Variants in EIF4G3 observed in about 807,000 individuals in gnomAD.
EIF4G3 encodes the protein eukaryotic translation initiation factor 4 gamma 3, also known as eIF-4-gamma 3.
A neutral mutation model predicts 186.4 loss-of-function variants in EIF4G3; 34 were observed. The observed-to-expected ratio is 0.18, with a 90% CI of 0.14 to 0.24. The LOEUF (loss-of-function observed/expected upper bound fraction) is 0.24. EIF4G3 is among the 10% of genes least tolerant of loss of function. The pLI is 1.00. For synonymous variants in EIF4G3, 673 were observed against 679.5 expected, an observed-to-expected ratio of 0.99 and a Z score of 0.15; for missense variants, 1,536 against 1,948.5, an observed-to-expected ratio of 0.79 and a Z score of 3.99.
intron 3 of EIF4G3, among the ~76,000 whole-genome samples, chr1:21,070,917 A>G (rs2095422624): frequency 6.6e-6 from 1 of 152,192 alleles, no homozygotes; most frequent in Non-Finnish European, 1.5e-5. Flanking sequence ...TAGTAAGTTC[A>G]TTTTATTATA....
intron 7 of EIF4G3, among the ~76,000 whole-genome samples, chr1:20,987,410 T>C (rs1259423442): frequency 6.6e-6 from 1 of 152,264 alleles, no homozygotes; most frequent in African/African-American, 2.4e-5. Flanking sequence ...ATTATAGATA[T>C]TGCATTCTTT....
intron 4 of EIF4G3, among the ~76,000 whole-genome samples, chr1:21,005,679 T>C (rs1401179777): frequency 7.9e-5 from 12 of 152,166 alleles, no homozygotes; most frequent in Non-Finnish European, 4.4e-5. Context: ...CATTCAAAGA[T>C]AAAGTTCTTT....
intron 14 of EIF4G3, among the ~76,000 whole-genome samples, chr1:20,905,192 G>A (rs770087475): frequency 7.9e-5 from 12 of 152,200 alleles, no homozygotes; most frequent in Non-Finnish European, 1.3e-4. Context: ...AGTGGCCTGC[G>A]TTCTTCCCAT....
intron 12 of EIF4G3, among the ~76,000 whole-genome samples, chr1:20,967,516 G>A (rs925703574): frequency 7.2e-5 from 11 of 152,180 alleles, no homozygotes; most frequent in Non-Finnish European, 1.2e-4. Context: ...GGGGAATAAT[G>A]AGGAGTGATG....
intron 13 of EIF4G3, among the ~76,000 whole-genome samples, chr1:20,947,180 C>A (rs2154563022): frequency 6.6e-6 from 1 of 151,974 alleles, no homozygotes; most frequent in South Asian, 2.1e-4. Flanking sequence ...AACCTCGCCT[C>A]TAGAAATACA....
rs186682040 is a variant in EIF4G3 at position 21,017,444 on chromosome 1, T to C, written c.-66-14636A>G. On this transcript the variant is annotated intron_variant, in intron 4 of 36. Coordinates refer to ENST00000602326, the MANE Select transcript of EIF4G3 (RefSeq NM_001391906.1). ...GAGATCGAGACCATCCTGGCCAACATGGCAAAACTCCGTCTCTACTAAAAA... is the reference window on the plus strand; with the variant it reads ...GAGATCGAGACCATCCTGGCCAACACGGCAAAACTCCGTCTCTACTAAAAA... Among the ~76,000 whole-genome samples, 355 of 151,908 alleles carry C rather than the reference T, an allele frequency of 2.3e-3. 1 individual carries two copies. The highest frequency in any genetic ancestry group is 3.6e-3 in the Non-Finnish European group (246 of 67,960).
chr1:21,165,032 C>T (rs79703470), intron 2 of EIF4G3, among the ~76,000 whole-genome samples: 4,521 of 152,250 alleles, frequency 0.03, 242 homozygotes, highest in African/African-American at 0.1. Context: ...CCGTAACTGA[C>T]AAATGGCCAA....
intron 2 of EIF4G3, among the ~76,000 whole-genome samples, chr1:21,163,760 T>C (rs1423615272): frequency 6.6e-6 from 1 of 152,154 alleles, no homozygotes; most frequent in Non-Finnish European, 1.5e-5. Flanking sequence ...TTCCCAATTT[T>C]GTTTTTTGTT....
chr1:21,090,295 A>T (rs2096144051), intron 2 of EIF4G3, among the ~76,000 whole-genome samples: 1 of 152,206 alleles, frequency 6.6e-6, no homozygotes, highest in South Asian at 2.1e-4. Context: ...AGAAATAAAT[A>T]TAATTTGATG....
intron 4 of EIF4G3, among the ~76,000 whole-genome samples, chr1:21,031,414 A>G (rs957172828): frequency 3.4e-5 from 5 of 149,046 alleles, no homozygotes; most frequent in Non-Finnish European, 5.9e-5. Context: ...AGGGAGAGAG[A>G]GCTGTTTATG....
chr1:21,132,413 C>A (rs1025133623), intron 2 of EIF4G3, among the ~76,000 whole-genome samples: 16 of 152,176 alleles, frequency 1.1e-4, no homozygotes, highest in Non-Finnish European at 2.1e-4. Flanking sequence ...AAGGTTCTTT[C>A]TGAATAGTGA....
chr1:20,965,198 A>G lies in EIF4G3; in HGVS notation c.714+4276T>C, dbSNP rs79045262. Among the ~76,000 whole-genome samples, 601 of 152,328 alleles carry G rather than the reference A, an allele frequency of 3.9e-3. 6 individuals carry two copies. The highest frequency in any genetic ancestry group is 0.014 in the African/African-American group (562 of 41,568). Reference sequence around the variant, plus strand: ...GGCCACTCTTGACAGAGAAACCTCAAGACCAAATTAGATAAAAATCACAAT... The same window carrying G: ...GGCCACTCTTGACAGAGAAACCTCAGGACCAAATTAGATAAAAATCACAAT... On this transcript the variant is annotated intron_variant, in intron 12 of 36. Coordinates refer to ENST00000602326, the MANE Select transcript of EIF4G3 (RefSeq NM_001391906.1).
intron 2 of EIF4G3, among the ~76,000 whole-genome samples, chr1:21,096,757 G>A (rs1410850144): frequency 6.6e-6 from 1 of 152,142 alleles, no homozygotes; most frequent in Non-Finnish European, 1.5e-5. Context: ...TATGACGAAA[G>A]TCAAAGTTTG....
intron 2 of EIF4G3, among the ~76,000 whole-genome samples, chr1:21,106,454 T>C (rs2101987328): frequency 6.6e-6 from 1 of 151,860 alleles, no homozygotes; most frequent in South Asian, 2.1e-4. Flanking sequence ...AGGAAAGGAA[T>C]AACCAAGAAT....
At chr1:20,972,949 T>C in intron 11 of EIF4G3, 53 bp downstream of exon 11, 1 of 1,418,458 alleles carries the variant, frequency 7.0e-7, no homozygotes, top group Non-Finnish European at 9.6e-7. Flanking sequence ...ACTTATCTGA[T>C]AAGTGAATAG....
chr1:20,895,661 A>G (rs1395683335), intron 16 of EIF4G3, among the ~76,000 whole-genome samples, 160 bp from the exon 17 acceptor site: 2 of 152,206 alleles, frequency 1.3e-5, no homozygotes, highest in Non-Finnish European at 2.9e-5. Flanking sequence ...CTATTGCCTA[A>G]TGACACTGTA....
intron 14 of EIF4G3, among the ~76,000 whole-genome samples, chr1:20,925,728 C>T (rs536928355): frequency 5.1e-4 from 78 of 152,316 alleles, no homozygotes; most frequent in African/African-American, 1.7e-3. Flanking sequence ...GAGAAAGGGT[C>T]TCTCTGTTGC....
chr1:20,999,031 A>G (rs2082919288), intron 6 of EIF4G3, among the ~76,000 whole-genome samples: 1 of 152,208 alleles, frequency 6.6e-6, no homozygotes, highest in Non-Finnish European at 1.5e-5. Context: ...TACTTCCCCA[A>G]CTACCATTAG....
chr1:21,083,679 A>G (rs2095866563), intron 3 of EIF4G3, among the ~76,000 whole-genome samples: 2 of 152,148 alleles, frequency 1.3e-5, no homozygotes, highest in South Asian at 4.1e-4. Flanking sequence ...TTTAAATAGT[A>G]AAAATCAAAT....
Sources: allele counts gnomAD v4.1 joint callset (sites outside exome capture counted in the v4.1 genomes callset), GRCh38; gene constraint gnomAD v4.1.1; transcripts MANE v1.5; gene names NCBI Gene and HGNC (gene_info 2026-07-23, HGNC 2026-07-21).